The following USH2A variants were observed in gnomAD, a reference collection of about 807,000 sequenced individuals.
USH2A encodes the protein usherin.
In USH2A, 443 loss-of-function variants were observed where a neutral mutation model predicts 538.9. The observed-to-expected ratio is 0.82, with a 90% CI of 0.76 to 0.89. The LOEUF (loss-of-function observed/expected upper bound fraction) is 0.89. Among genes scored for constraint, USH2A ranks in the 40% least tolerant of loss-of-function variants. The probability of loss-of-function intolerance (pLI) is 0.00; values close to 1 mark genes in which losing one functional copy is unlikely to be tolerated. For synonymous variants in USH2A, 2,413 were observed against 2,273.5 expected, an observed-to-expected ratio of 1.06 and a Z score of -1.75; for missense variants, 6,633 against 6,324.8, an observed-to-expected ratio of 1.05 and a Z score of -1.65.
At chr1:216,053,519 G>A (rs1385213528) in intron 30 of USH2A, among the ~76,000 whole-genome samples, 1 of 142,552 alleles carries the variant, frequency 7.0e-6, no homozygotes, top group African/African-American at 2.6e-5. Flanking sequence ...CTCGCAAACT[G>A]CCTTTCAGCC....
At chr1:216,370,164 G>T (rs190754118) in intron 3 of USH2A, among the ~76,000 whole-genome samples, 11 of 151,982 alleles carry the variant, frequency 7.2e-5, no homozygotes, top group African/African-American at 2.4e-4. Context: ...TTCTAGACCA[G>T]CCTGGCCAAC....
chr1:216,161,871 C>T (rs545653289), intron 21 of USH2A, among the ~76,000 whole-genome samples: 1 of 152,012 alleles, frequency 6.6e-6, no homozygotes, highest in African/African-American at 2.4e-5. Flanking sequence ...TATATTCTGG[C>T]ATTCATTTAT....
intron 44 of USH2A, among the ~76,000 whole-genome samples, chr1:215,846,806 C>G (rs188119114): frequency 6.6e-6 from 1 of 152,088 alleles, no homozygotes; most frequent in Non-Finnish European, 1.5e-5. Flanking sequence ...GACACAGATC[C>G]TAGAGACATT....
rs1460418676 is a variant in USH2A at position 215,623,670 on chromosome 1, GA to G, written c.*2110del. On this transcript the variant is annotated 3_prime_UTR_variant, in exon 72 of 72. Coordinates refer to ENST00000307340, the MANE Select transcript of USH2A (RefSeq NM_206933.4). The stretch of plus-strand genomic sequence containing the variant: ...TAAGCTATGGAGTCAAAATGTAAAT[GA>G]TTCAGCTAACTGAGTTCATGTCTAA... 1 of 152,078 alleles carries G rather than the reference GA, an allele frequency of 6.6e-6. No homozygotes were observed. The highest frequency in any genetic ancestry group is 1.5e-5 in the Non-Finnish European group (1 of 67,992). The allele number at this position is 152,078 out of a possible 1,614,324, so 9.4% of individuals were successfully genotyped here. A position where few individuals can be genotyped will look rare whatever the true frequency, so the allele number is the denominator to read the frequency against.
At chr1:215,724,069 G>C (rs2102709602) in intron 61 of USH2A, among the ~76,000 whole-genome samples, 1 of 61,690 alleles carries the variant, frequency 1.6e-5, no homozygotes, top group South Asian at 7.0e-4. Flanking sequence ...TAAACAGAAT[G>C]TGATATCTAT....
At chr1:216,331,857 G>A (rs1046586946) in intron 4 of USH2A, among the ~76,000 whole-genome samples, 1 of 152,114 alleles carries the variant, frequency 6.6e-6, no homozygotes, top group Non-Finnish European at 1.5e-5. Context: ...AGCAATGGCA[G>A]AGTGAAAACA....
intron 21 of USH2A, among the ~76,000 whole-genome samples, chr1:216,103,128 C>T (rs561718983): frequency 7.9e-5 from 12 of 152,266 alleles, no homozygotes; most frequent in South Asian, 4.1e-4. Flanking sequence ...CAAAAATCCA[C>T]GTATGATGTT....
At chr1:215,912,475 A>ATATATC (rs1665818404) in intron 38 of USH2A, among the ~76,000 whole-genome samples, 2 of 16,296 alleles carry the variant, frequency 1.2e-4, no homozygotes, top group African/African-American at 3.4e-4. Context: ...ATATATATAT[A>ATATATC]CGTATATATA....
At chr1:215,763,820 G>A (rs570807515) in intron 56 of USH2A, among the ~76,000 whole-genome samples, 10 of 152,028 alleles carry the variant, frequency 6.6e-5, no homozygotes, top group Non-Finnish European at 1.3e-4. Context: ...ATGAGGATCT[G>A]AACTAAGGCA....
chr1:215,966,533 A>G (rs1196372898), intron 36 of USH2A, among the ~76,000 whole-genome samples: 1 of 152,220 alleles, frequency 6.6e-6, no homozygotes, highest in Non-Finnish European at 1.5e-5. Context: ...TACCTTATCA[A>G]TTATGAAAAT....
chr1:216,044,951 A>G (rs2102523477), intron 32 of USH2A, among the ~76,000 whole-genome samples: 1 of 152,316 alleles, frequency 6.6e-6, no homozygotes, highest in Middle Eastern at 3.4e-3. Flanking sequence ...GGGGGGCCAA[A>G]AAAATGTAAA....
chr1:216,071,763 G>A (rs1558242577), intron 29 of USH2A, among the ~76,000 whole-genome samples: 1 of 152,194 alleles, frequency 6.6e-6, no homozygotes, highest in Non-Finnish European at 1.5e-5. Context: ...AAGTAGAAGA[G>A]TGTGAAATAG....
intron 49 of USH2A, among the ~76,000 whole-genome samples, chr1:215,805,992 A>G (rs1662489754): frequency 1.3e-5 from 2 of 151,726 alleles, no homozygotes; most frequent in Non-Finnish European, 2.9e-5. Flanking sequence ...ATCAAAAAAA[A>G]AAAAAAAAAA....
At chr1:215,913,826 C>T (rs1240349685) in intron 38 of USH2A, among the ~76,000 whole-genome samples, 1 of 151,888 alleles carries the variant, frequency 6.6e-6, no homozygotes, top group Admixed American at 6.6e-5. Flanking sequence ...ATTACACTCA[C>T]TTCTGGGAGC....
intron 35 of USH2A, 90 bp from the exon 36 acceptor site, chr1:215,970,866 G>A: frequency 7.7e-7 from 1 of 1,299,600 alleles, no homozygotes; most frequent in Non-Finnish European, 1.1e-6. Flanking sequence ...GTGATTTCTA[G>A]TTTCATGGAA....
chr1:216,410,081 A>T (rs1294117870), intron 3 of USH2A, among the ~76,000 whole-genome samples: 1 of 152,170 alleles, frequency 6.6e-6, no homozygotes, highest in East Asian at 1.9e-4. Context: ...AAAAGAAGAC[A>T]TACATGTGGC....
At chr1:216,205,334 G>A (rs2035088064) in intron 16 of USH2A, among the ~76,000 whole-genome samples, 1 of 152,166 alleles carries the variant, frequency 6.6e-6, no homozygotes, top group African/African-American at 2.4e-5. Context: ...TCTAGTAGCA[G>A]GTTTTCAGGA....
chr1:216,056,867 G>T (rs2030994372), intron 30 of USH2A, among the ~76,000 whole-genome samples: 1 of 151,876 alleles, frequency 6.6e-6, no homozygotes, highest in East Asian at 1.9e-4. Context: ...CTTTTAATTT[G>T]TTCCAAATAT....
rs563370514 is a variant in USH2A, at chr1:215,782,925, G to T, written c.10398C>A (p.Leu3466=). The part of the protein sequence containing the change: ...VNTYSYTDVN[L]KPYMTYEYRI... ...TGTACTCATATGTCATGTAGGGCTT[G>T]AGGTTCACATCTGGAAAGAGAAAAA... Residue 3466 remains leucine (L), a synonymous_variant, in exon 53 of 72, where the codon CTC becomes CTA. Transcript: ENST00000307340. 1.9e-6 allele frequency: 3 copies of T among 1,613,282 alleles called. No homozygotes were observed. Among genetic ancestry groups the T allele is most frequent in the African/African-American group, 2.7e-5 (2 of 74,874 alleles).
Sources: allele counts gnomAD v4.1 joint callset (sites outside exome capture counted in the v4.1 genomes callset), GRCh38; gene constraint gnomAD v4.1.1; transcripts MANE v1.5; gene names NCBI Gene and HGNC (gene_info 2026-07-23, HGNC 2026-07-21).